LMCD1: variants seen among roughly 807,000 people sequenced by gnomAD.
LMCD1 encodes the protein LIM and cysteine rich domains 1, also known as LIM and cysteine-rich domains protein 1.
LMCD1 carries 32 observed loss-of-function variants against 42.7 expected under a neutral mutation model. That is an observed-to-expected ratio of 0.75 (90% CI 0.57 to 1.01). The LOEUF (loss-of-function observed/expected upper bound fraction) is 1.01. Ranked by LOEUF, LMCD1 falls within the 50% of genes least tolerant of loss-of-function variation. The pLI is 0.00. For synonymous variants in LMCD1, 178 were observed against 184.9 expected, an observed-to-expected ratio of 0.96 and a Z score of 0.30; for missense variants, 458 against 483.1, an observed-to-expected ratio of 0.95 and a Z score of 0.49.
chr3:8,520,705 G>T (rs1694188833), intron 1 of LMCD1, among the ~76,000 whole-genome samples: 1 of 152,182 alleles, frequency 6.6e-6, no homozygotes, highest in Non-Finnish European at 1.5e-5. Flanking sequence ...AAAAACAATT[G>T]TGTTGGAGCC....
chr3:8,540,189 T>A lies in LMCD1; in HGVS notation c.387+2749T>A, dbSNP rs557666499. ...AGCTGGGAATTGACCAACTTTTTTTTAATTACCGAATGATCAAGACTGATT... is the reference window on the plus strand; with the variant it reads ...AGCTGGGAATTGACCAACTTTTTTTAAATTACCGAATGATCAAGACTGATT... On this transcript the variant is annotated intron_variant, in intron 3 of 5. Coordinates refer to ENST00000157600, the MANE Select transcript of LMCD1 (RefSeq NM_014583.4). Among the ~76,000 whole-genome samples, 83 of 152,298 alleles carry A rather than the reference T, an allele frequency of 5.4e-4. 2 individuals carry two copies. In the South Asian group the frequency reaches 0.015, roughly 27 times the overall value.
intron 1 of LMCD1, among the ~76,000 whole-genome samples, chr3:8,529,595 C>T (rs1694373011): frequency 6.6e-6 from 1 of 152,152 alleles, no homozygotes; most frequent in South Asian, 2.1e-4. Context: ...GGGATGGCCT[C>T]ACTTAATGAG....
At position 8,521,462 on chromosome 3, in the gene LMCD1, C is replaced by T. The variant is rs58301757; in HGVS notation, c.43-11275C>T. ...GATCCTGTGACTTTTTCCATGCTTC[C>T]CCTTCTCAAAGGCTGTCGCCCATGC... On this transcript the variant is annotated intron_variant, in intron 1 of 5. Coordinates refer to ENST00000157600, the MANE Select transcript of LMCD1 (RefSeq NM_014583.4). 6.1e-3 allele frequency among the ~76,000 whole-genome samples: 925 copies of T among 152,294 alleles called. 5 individuals are homozygous for T. Among genetic ancestry groups the T allele is most frequent in the African/African-American group, 0.02 (831 of 41,568 alleles).
chr3:8,516,709 A>C (rs1026330913), intron 1 of LMCD1, among the ~76,000 whole-genome samples: 1 of 152,218 alleles, frequency 6.6e-6, no homozygotes, highest in African/African-American at 2.4e-5. Context: ...AAAGTTTTGC[A>C]GGGAGAAATT....
chr3:8,552,583 T>C (rs1330053374), intron 4 of LMCD1, among the ~76,000 whole-genome samples: 1 of 152,206 alleles, frequency 6.6e-6, no homozygotes, highest in Non-Finnish European at 1.5e-5. Context: ...GGTCTGGGGC[T>C]ACACTTTGAG....
At chr3:8,510,245 C>T (rs370488816) in intron 1 of LMCD1, among the ~76,000 whole-genome samples, 1 of 152,150 alleles carries the variant, frequency 6.6e-6, no homozygotes, top group Non-Finnish European at 1.5e-5. Flanking sequence ...CCAGCTCTGC[C>T]CTCATCCTGG....
At chr3:8,502,270 T>TATATATAAA (rs1225134633) in intron 1 of LMCD1, among the ~76,000 whole-genome samples, 2 of 75,830 alleles carry the variant, frequency 2.6e-5, no homozygotes, top group Admixed American at 4.5e-4. Flanking sequence ...ATATAAAATA[T>TATATATAAA]ATATATAAAA....
chr3:8,543,476 T>C lies in LMCD1; in HGVS notation c.388-5092T>C, dbSNP rs1002027119. Among the ~76,000 whole-genome samples the C allele has an allele frequency of 5.9e-5, 9 of 151,612 alleles. 2 individuals are homozygous for C. The highest frequency in any genetic ancestry group is 2.1e-4 in the South Asian group (1 of 4,790). On this transcript the variant is annotated intron_variant, in intron 3 of 5. Coordinates refer to ENST00000157600, the MANE Select transcript of LMCD1 (RefSeq NM_014583.4). ...ACAGAGAGATAGACAGACAGACAGA[T>C]AGACAGACAGACAGACAGATAGATA...
intron 1 of LMCD1, among the ~76,000 whole-genome samples, chr3:8,529,669 G>A (rs1694374049): frequency 6.6e-6 from 1 of 152,144 alleles, no homozygotes; most frequent in South Asian, 2.1e-4. Context: ...GGAAAACCTA[G>A]TCAGAGAGGC....
chr3:8,533,445 C>T (rs746326532), intron 2 of LMCD1, among the ~76,000 whole-genome samples: 1 of 152,142 alleles, frequency 6.6e-6, no homozygotes, highest in East Asian at 1.9e-4. Flanking sequence ...GTGGATGGCA[C>T]CTCTGGAGTG....
At chr3:8,532,321 T>C (rs1694426882) in intron 1 of LMCD1, among the ~76,000 whole-genome samples, 1 of 152,200 alleles carries the variant, frequency 6.6e-6, no homozygotes, top group Non-Finnish European at 1.5e-5. Flanking sequence ...TTAATCACAC[T>C]CTATCAATAA....
At chr3:8,564,342 G>A (rs1348460331) in intron 4 of LMCD1, among the ~76,000 whole-genome samples, 1 of 152,074 alleles carries the variant, frequency 6.6e-6, no homozygotes, top group Non-Finnish European at 1.5e-5. Context: ...ATAGCTCACT[G>A]CAGCCTCAAA....
chr3:8,509,265 A>G (rs1441241349), intron 1 of LMCD1, among the ~76,000 whole-genome samples: 6 of 152,170 alleles, frequency 3.9e-5, no homozygotes, highest in Non-Finnish European at 8.8e-5. Flanking sequence ...TGGGGCTTCT[A>G]AGCTCTCAGA....
chr3:8,550,363 A>G, intron 4 of LMCD1: 1 of 990,398 alleles, frequency 1.0e-6, no homozygotes, highest in Non-Finnish European at 1.2e-6. Flanking sequence ...CAAGCACATT[A>G]TCTACCTTGC....
chr3:8,507,863 G>T (rs1293193844), intron 1 of LMCD1, among the ~76,000 whole-genome samples: 1 of 152,202 alleles, frequency 6.6e-6, no homozygotes, highest in Non-Finnish European at 1.5e-5. Flanking sequence ...ATCTGGTGAG[G>T]AGGGACTATG....
In LMCD1 at chr3:8,516,881, G is replaced by A. The variant is rs187291336; in HGVS notation, c.42+14901G>A. 9.5e-4 allele frequency among the ~76,000 whole-genome samples: 144 copies of A among 152,266 alleles called. 1 individual carries two copies. Among genetic ancestry groups the A allele is most frequent in the Non-Finnish European group, 1.8e-3 (123 of 68,016 alleles). On this transcript the variant is annotated intron_variant, in intron 1 of 5. Coordinates refer to ENST00000157600, the MANE Select transcript of LMCD1 (RefSeq NM_014583.4). ...AAACACCAGAAATTTCAACCATGTCGTACCTTTGATGTGTGAAGATAAAAT... is the reference window on the plus strand; with the variant it reads ...AAACACCAGAAATTTCAACCATGTCATACCTTTGATGTGTGAAGATAAAAT...
intron 1 of LMCD1, among the ~76,000 whole-genome samples, chr3:8,518,345 G>T (rs1694136144): frequency 6.6e-6 from 1 of 152,226 alleles, no homozygotes; most frequent in Admixed American, 6.5e-5. Flanking sequence ...GAAGCCTGCA[G>T]CAGAGTTTTT....
intron 1 of LMCD1, among the ~76,000 whole-genome samples, chr3:8,516,226 G>A (rs2125013812): frequency 6.6e-6 from 1 of 152,270 alleles, no homozygotes; most frequent in South Asian, 2.1e-4. Context: ...GTCTGGGGAA[G>A]CGGTTGGCCT....
intron 4 of LMCD1, chr3:8,550,412 G>A: frequency 1.0e-6 from 1 of 984,144 alleles, no homozygotes; most frequent in Non-Finnish European, 1.2e-6. Context: ...AGGCGACCCA[G>A]GGAAATGCCA....
Sources: gnomAD v4.1 joint callset for allele counts (sites outside exome capture counted in the v4.1 genomes callset) on GRCh38, gnomAD v4.1.1 for gene constraint, MANE v1.5 for transcripts, NCBI Gene and HGNC (gene_info 2026-07-23, HGNC 2026-07-21) for gene names.